SORCS1: variants seen among roughly 807,000 people sequenced by gnomAD.
SORCS1 encodes sortilin related VPS10 domain containing receptor 1, also known as VPS10 domain-containing receptor SorCS1.
In SORCS1, 60 loss-of-function variants were observed where a neutral mutation model predicts 146.1. The observed-to-expected ratio is 0.41, with a 90% CI of 0.33 to 0.51. SORCS1 has a LOEUF of 0.51. Ranked by LOEUF, SORCS1 falls within the 20% of genes least tolerant of loss-of-function variation. The pLI, the probability that SORCS1 is intolerant of heterozygous loss-of-function variation, is 0.21. For missense variants in SORCS1, 1,352 were observed against 1,487.6 expected (o/e 0.91, Z 1.50); for synonymous variants, 637 against 584.0 (o/e 1.09, Z -1.31).
Position 106,804,342 on chromosome 10 carries a change from A to ATAAAG in SORCS1, c.726+25231_726+25232insCTTTA, listed in dbSNP as rs1424445941. Among the ~76,000 whole-genome samples the ATAAAG allele has an allele frequency of 9.0e-3, 684 of 76,424 alleles. 7 individuals are homozygous for ATAAAG. The highest frequency in any genetic ancestry group is 0.038 in the East Asian group (178 of 4,666). 50.1% of individuals were successfully genotyped at this position (76,424 alleles called of 152,430 possible). A position where few individuals can be genotyped will look rare whatever the true frequency, so the allele number is the denominator to read the frequency against. ...GTGAAACTCTGTTTCCGAAGAGAAAATAAAATAAAATAAAATAAAATAAAA... is the reference window on the plus strand; with the variant it reads ...GTGAAACTCTGTTTCCGAAGAGAAAATAAAGTAAAATAAAATAAAATAAAATAAAA... On this transcript the variant is annotated intron_variant, in intron 3 of 25. Coordinates refer to ENST00000263054, the MANE Select transcript of SORCS1 (RefSeq NM_052918.5).
intron 2 of SORCS1, among the ~76,000 whole-genome samples, chr10:106,934,862 T>C (rs1281487164): frequency 6.6e-6 from 1 of 151,988 alleles, no homozygotes; most frequent in Non-Finnish European, 1.5e-5. Flanking sequence ...AGCTAAGCTA[T>C]GGGTACATAA....
At chr10:107,083,334 A>T (rs1348712107) in intron 1 of SORCS1, among the ~76,000 whole-genome samples, 1 of 152,118 alleles carries the variant, frequency 6.6e-6, no homozygotes, top group African/African-American at 2.4e-5. Context: ...TGGACTGTCA[A>T]TCTTATAGCT....
chr10:107,126,370 G>T (rs1024992424), intron 1 of SORCS1, among the ~76,000 whole-genome samples: 1 of 152,000 alleles, frequency 6.6e-6, no homozygotes, highest in Non-Finnish European at 1.5e-5. Flanking sequence ...TTTGAAAATT[G>T]CCCTGCACCA....
chr10:106,915,769 A>C (rs1952390920), intron 2 of SORCS1, among the ~76,000 whole-genome samples: 1 of 152,296 alleles, frequency 6.6e-6, no homozygotes, highest in African/African-American at 2.4e-5. Context: ...ACTTCCAATA[A>C]TGTATTGCCC....
At chr10:106,890,866 T>C (rs1177275912) in intron 2 of SORCS1, among the ~76,000 whole-genome samples, 1 of 152,014 alleles carries the variant, frequency 6.6e-6, no homozygotes, top group East Asian at 1.9e-4. Flanking sequence ...TGAGACCACA[T>C]CTCAATAGGA....
intron 2 of SORCS1, among the ~76,000 whole-genome samples, chr10:106,940,392 T>A (rs1237475800): frequency 6.6e-6 from 1 of 152,210 alleles, no homozygotes; most frequent in Non-Finnish European, 1.5e-5. Context: ...AGGTCTGTAC[T>A]TGGTGTTGGG....
chr10:106,606,596 T>C (rs968490714), intron 23 of SORCS1, among the ~76,000 whole-genome samples: 2 of 152,192 alleles, frequency 1.3e-5, no homozygotes, highest in Non-Finnish European at 2.9e-5. Context: ...CATAGATTAA[T>C]CTAATTCATT....
chr10:106,612,280 C>G (rs1314521892), intron 21 of SORCS1, among the ~76,000 whole-genome samples: 1 of 151,880 alleles, frequency 6.6e-6, no homozygotes. Context: ...TGTATAGAGA[C>G]AGAGGGAGGG....
chr10:107,075,214 G>A (rs1464621891), intron 1 of SORCS1, among the ~76,000 whole-genome samples: 1 of 152,112 alleles, frequency 6.6e-6, no homozygotes, highest in Non-Finnish European at 1.5e-5. Context: ...GAGAGCACAA[G>A]CCAGAAATGG....
At chr10:106,584,417 C>T (rs1228130517) in intron 24 of SORCS1, among the ~76,000 whole-genome samples, 2 of 152,288 alleles carry the variant, frequency 1.3e-5, no homozygotes, top group South Asian at 2.1e-4. Context: ...GCAGCTCTGG[C>T]GTCCTGGGTT....
intron 2 of SORCS1, among the ~76,000 whole-genome samples, chr10:106,952,159 A>T (rs898840020): frequency 1.3e-5 from 2 of 151,948 alleles, no homozygotes; most frequent in African/African-American, 4.8e-5. Flanking sequence ...AGTCAGGGAG[A>T]TGGATTTGAG....
chr10:106,761,713 C>T (rs1859125086), intron 4 of SORCS1, 52 bp from the exon 5 acceptor site: 2 of 1,437,148 alleles, frequency 1.4e-6, no homozygotes, highest in Middle Eastern at 1.7e-4. Context: ...ACATCAAATA[C>T]ACAAACATCA....
intron 6 of SORCS1, among the ~76,000 whole-genome samples, chr10:106,720,497 A>G (rs1855706296): frequency 6.6e-6 from 1 of 151,508 alleles, no homozygotes; most frequent in African/African-American, 2.4e-5. Context: ...TGATCCTAGC[A>G]TCACTGTCAC....
At chr10:106,889,888 T>TAAAAACAAAAAAAAAAA (rs1951160659) in intron 2 of SORCS1, among the ~76,000 whole-genome samples, 1 of 71,680 alleles carries the variant, frequency 1.4e-5, no homozygotes, top group African/African-American at 5.2e-5. Flanking sequence ...ACGTCTCAAA[T>TAAAAACAAAAAAAAAAA]AAAAAAAAAA....
At chr10:106,843,989 G>A (rs1411637828) in intron 2 of SORCS1, among the ~76,000 whole-genome samples, 1 of 152,128 alleles carries the variant, frequency 6.6e-6, no homozygotes, top group Non-Finnish European at 1.5e-5. Context: ...TTTCCATAGT[G>A]GCTGCATATT....
At position 106,579,435 on chromosome 10, in the gene SORCS1, G is replaced by A; in HGVS notation, c.3305C>T (p.Ala1102Val). Residue 1102 changes from alanine (A) to valine (V), a missense_variant, in exon 25 of 26, where the codon GCC becomes GTC. By Grantham distance (64) the Ala-to-Val change is moderately conservative. Around this residue, in one of 3 missense-constraint regions of SORCS1, gnomAD observed 214 missense variants for 204.8 expected, o/e 1.05. Transcript: ENST00000263054. ...CACCACTGAGAGCAGCATCAGCATG[G>A]CAGATCCACTGTGGGTTGGAGTGAG... ...VDLTPTHSGS[A>V]MLMLLSVVFV... The A allele has an allele frequency of 6.2e-7, 1 of 1,613,924 alleles. No homozygotes were observed. The highest frequency in any genetic ancestry group is 8.5e-7 in the Non-Finnish European group (1 of 1,179,998).
intron 1 of SORCS1, among the ~76,000 whole-genome samples, chr10:107,103,766 G>A (rs1166312418): frequency 2.0e-5 from 3 of 152,162 alleles, no homozygotes; most frequent in Non-Finnish European, 2.9e-5. Flanking sequence ...GCAGAGAAGG[G>A]AATCCCAATG....
chr10:106,679,666 G>T lies in SORCS1; in HGVS notation c.1629C>A (p.Ser543Arg). Residue 543 changes from serine to arginine, a missense_variant, in exon 11 of 26, where the codon AGC becomes AGA. Around this residue, in one of 3 missense-constraint regions of SORCS1, gnomAD observed 648 missense variants for 793.8 expected, o/e 0.82. Transcript: ENST00000263054. ...ENPYTSGIIA[S>R]KDTAPSIIVA... ...CTATGATGCTTGGAGCTGTGTCTTT[G>T]CTGGCAATGATCCCTGATGTGTAGG... 3.1e-6 allele frequency: 5 copies of T among 1,612,722 alleles called. No individual in the cohort carries two copies. Among genetic ancestry groups the T allele is most frequent in the Non-Finnish European group, 4.2e-6 (5 of 1,179,340 alleles).
intron 1 of SORCS1, among the ~76,000 whole-genome samples, chr10:106,976,325 G>GTTTCTTTGTT (rs1554901298): frequency 2.2e-5 from 2 of 90,496 alleles, no homozygotes; most frequent in African/African-American, 5.9e-5. Context: ...CATCATCTAG[G>GTTTCTTTGTT]TTTTTTTGTT....
Sources: allele counts gnomAD v4.1 joint callset (sites outside exome capture counted in the v4.1 genomes callset), GRCh38; gene constraint gnomAD v4.1.1; regional missense constraint gnomAD v4.1.1; transcripts MANE v1.5; gene names NCBI Gene and HGNC (gene_info 2026-07-23, HGNC 2026-07-21).